Variants in STX8 observed in about 807,000 individuals in gnomAD.
The protein encoded by STX8 is syntaxin 8.
A neutral mutation model predicts 37.5 loss-of-function variants in STX8; 23 were observed. The ratio of observed to expected loss-of-function variants is 0.61; its 90% CI spans 0.44 to 0.87. The LOEUF (loss-of-function observed/expected upper bound fraction) is 0.87. STX8 is among the 40% of genes least tolerant of loss of function. The probability of loss-of-function intolerance (pLI) is 0.00; values close to 1 mark genes in which losing one functional copy is unlikely to be tolerated. For missense variants in STX8, 313 were observed against 284.7 expected (o/e 1.10, Z -0.71); for synonymous variants, 115 against 99.1 (o/e 1.16, Z -0.95).
chr17:9,414,085 T>C (rs1913081417), intron 6 of STX8, among the ~76,000 whole-genome samples: 2 of 38,670 alleles, frequency 5.2e-5, no homozygotes, highest in Admixed American at 3.2e-4. Flanking sequence ...CATCTGTCCA[T>C]CCATCCATCC....
At chr17:9,369,770 G>T (rs1267845822) in intron 7 of STX8, among the ~76,000 whole-genome samples, 3 of 150,776 alleles carry the variant, frequency 2.0e-5, no homozygotes, top group African/African-American at 7.3e-5. Context: ...GCGAGTGCCT[G>T]TAGTCCCAGG....
chr17:9,362,849 A>G (rs1048603046), intron 7 of STX8, among the ~76,000 whole-genome samples: 1 of 149,754 alleles, frequency 6.7e-6, no homozygotes, highest in African/African-American at 2.5e-5. Context: ...AAAAATAAAT[A>G]AATAAATAAA....
chr17:9,440,325 T>C (rs1355193721), intron 6 of STX8, among the ~76,000 whole-genome samples: 2 of 152,140 alleles, frequency 1.3e-5, no homozygotes, highest in African/African-American at 2.4e-5. Flanking sequence ...TCCCTTCCAC[T>C]TGGATTTCCC....
chr17:9,521,877 A>G (rs1455545475), intron 4 of STX8, among the ~76,000 whole-genome samples: 1 of 152,242 alleles, frequency 6.6e-6, no homozygotes, highest in African/African-American at 2.4e-5. Flanking sequence ...TAGCACCTTT[A>G]AAATCTATTA....
intron 6 of STX8, among the ~76,000 whole-genome samples, chr17:9,380,043 C>G (rs945732855): frequency 1.3e-5 from 2 of 151,674 alleles, no homozygotes; most frequent in Non-Finnish European, 2.9e-5. Flanking sequence ...TGAAATTGAG[C>G]CCTTCACAAC....
intron 6 of STX8, among the ~76,000 whole-genome samples, chr17:9,489,303 A>C (rs116486842): frequency 0.011 from 1,628 of 152,334 alleles, 32 homozygotes; most frequent in African/African-American, 0.036. Context: ...ACAACAAAAA[A>C]GAAAACTAAC....
chr17:9,470,247 A>G (rs1057330211), intron 6 of STX8, among the ~76,000 whole-genome samples: 2 of 152,220 alleles, frequency 1.3e-5, no homozygotes, highest in African/African-American at 2.4e-5. Context: ...TTGAGACCAC[A>G]TTACCTTCCA....
chr17:9,513,864 A>G (rs1428886344), intron 4 of STX8, among the ~76,000 whole-genome samples: 1 of 152,244 alleles, frequency 6.6e-6, no homozygotes, highest in Non-Finnish European at 1.5e-5. Context: ...CCTGCCATTC[A>G]CAGCAACATG....
Position 9,557,436 on chromosome 17 carries a change from C to T in STX8, c.210G>A (p.Gln70=), listed in dbSNP as rs1217951504. ...DLLLRAVSTH[Q]ITQLEGDRRQ... is the part of the protein sequence containing the mutation. ...GGTGGAAATGTTTACATGGATACATCTGATGTGTTGACACAGCTCTTAGCA... is the reference window on the plus strand; with the variant it reads ...GGTGGAAATGTTTACATGGATACATTTGATGTGTTGACACAGCTCTTAGCA... Residue 70 remains glutamine (Q), a splice_region_variant and synonymous_variant, in exon 3 of 8, where the codon CAG becomes CAA. Coordinates refer to ENST00000306357, the MANE Select transcript of STX8 (RefSeq NM_004853.3). 1 of 1,612,216 alleles carries T rather than the reference C, an allele frequency of 6.2e-7. No individual in the cohort carries two copies. The highest frequency in any genetic ancestry group is 8.5e-7 in the Non-Finnish European group (1 of 1,178,366).
At chr17:9,328,025 TTCC>T (rs1408145504) in intron 7 of STX8, among the ~76,000 whole-genome samples, 4 of 151,460 alleles carry the variant, frequency 2.6e-5, no homozygotes, top group African/African-American at 7.3e-5. Context: ...TTCTTTCTCT[TTCC>T]TCCTTTCTCT....
intron 4 of STX8, among the ~76,000 whole-genome samples, chr17:9,520,307 T>G (rs935836675): frequency 2.6e-5 from 4 of 152,220 alleles, no homozygotes; most frequent in African/African-American, 9.6e-5. Context: ...TGATACTGTT[T>G]GAGCAGATGG....
chr17:9,328,589 A>T (rs1192653698), intron 7 of STX8, among the ~76,000 whole-genome samples: 1 of 152,204 alleles, frequency 6.6e-6, no homozygotes, highest in Non-Finnish European at 1.5e-5. Flanking sequence ...CACGGGTGAC[A>T]AACGCTGAGG....
chr17:9,499,870 G>A (rs1904548414), intron 5 of STX8, among the ~76,000 whole-genome samples: 1 of 152,170 alleles, frequency 6.6e-6, no homozygotes, highest in Non-Finnish European at 1.5e-5. Context: ...ACACTTTGAG[G>A]AGCATCCTCT....
chr17:9,528,618 G>A (rs184458486), intron 4 of STX8, among the ~76,000 whole-genome samples: 1 of 152,014 alleles, frequency 6.6e-6, no homozygotes, highest in Admixed American at 6.6e-5. Flanking sequence ...TTTTTGACTT[G>A]TTATAATGTG....
At chr17:9,447,142 T>C (rs967895395) in intron 6 of STX8, among the ~76,000 whole-genome samples, 16 of 152,268 alleles carry the variant, frequency 1.1e-4, no homozygotes, top group African/African-American at 3.1e-4. Flanking sequence ...GAGGGGTGAT[T>C]TCTTTGGGGC....
At chr17:9,492,061 C>G (rs377024844) in intron 5 of STX8, 140 bp from the exon 6 acceptor site, 16 of 550,976 alleles carry the variant, frequency 2.9e-5, no homozygotes, top group African/African-American at 1.9e-4. Flanking sequence ...ATTATTGGAA[C>G]AAAATTTAAA....
intron 7 of STX8, among the ~76,000 whole-genome samples, chr17:9,342,074 C>A (rs903323588): frequency 6.6e-6 from 1 of 152,022 alleles, no homozygotes; most frequent in African/African-American, 2.4e-5. Context: ...AGATGGTTTT[C>A]GGGATGAAAC....
chr17:9,380,720 T>TG (rs1040699529), intron 6 of STX8, among the ~76,000 whole-genome samples: 10 of 147,554 alleles, frequency 6.8e-5, no homozygotes, highest in Non-Finnish European at 1.2e-4. Flanking sequence ...TTTTTTTTTT[T>TG]TTTTTTTTTT....
At chr17:9,388,267 T>G (rs1047315061) in intron 6 of STX8, among the ~76,000 whole-genome samples, 1 of 151,414 alleles carries the variant, frequency 6.6e-6, no homozygotes, top group Admixed American at 6.6e-5. Context: ...AGACAGGGTT[T>G]CATAATGTTG....
Sources: allele counts gnomAD v4.1 joint callset (sites outside exome capture counted in the v4.1 genomes callset), GRCh38; gene constraint gnomAD v4.1.1; transcripts MANE v1.5; gene names NCBI Gene and HGNC (gene_info 2026-07-23, HGNC 2026-07-21).